ERG: variants seen among roughly 807,000 people sequenced by gnomAD.
The protein encoded by ERG is ETS transcription factor ERG.
A neutral mutation model predicts 55.3 loss-of-function variants in ERG; 9 were observed. That is an observed-to-expected ratio of 0.16 (90% confidence interval 0.10 to 0.28). The LOEUF is 0.28. ERG is among the 10% of genes least tolerant of loss of function. ERG has a pLI of 1.00. For synonymous variants in ERG, 223 were observed against 237.3 expected (o/e 0.94, Z 0.55); for missense variants, 434 against 631.6 (o/e 0.69, Z 3.35).
chr21:38,570,042 G>A (rs1225438547), intron 2 of ERG, among the ~76,000 whole-genome samples: 1 of 152,138 alleles, frequency 6.6e-6, no homozygotes, highest in African/African-American at 2.4e-5. Flanking sequence ...ACCTCCTGGT[G>A]CTCAGGTACA....
intron 1 of ERG, chr21:38,474,193 G>A (rs1386614832): frequency 6.6e-6 from 1 of 152,132 alleles, no homozygotes; most frequent in Non-Finnish European, 1.5e-5. Flanking sequence ...GACTTCCTGT[G>A]GTTCTCCCGC....
rs557188281 is a variant in ERG at position 38,429,140 on chromosome 21, G to A, written c.237-5579C>T. On this transcript the variant is annotated intron_variant, in intron 2 of 9. Transcript: ENST00000288319. ...TTATAAGTGAGAACACACAATATTT[G>A]GTTTTCCATTCCTGAGTTACTTCGG... Among the ~76,000 whole-genome samples, 403 of 152,050 alleles carry A rather than the reference G, an allele frequency of 2.7e-3. 3 individuals are homozygous for A. The highest frequency in any genetic ancestry group is 4.2e-3 in the Non-Finnish European group (288 of 67,974).
rs375538311 is a variant in ERG, at chr21:38,523,518, T to G, written c.-41+52144A>C. On this transcript the variant is annotated intron_variant, in intron 2 of 8. Transcript: ENST00000398897. Reference sequence around the variant, plus strand: ...AGTGAGTAAGAGGCGGGGGCCAGGGTTGGACAAAAATCTCTTTGGCCAGGA... The same window carrying G: ...AGTGAGTAAGAGGCGGGGGCCAGGGGTGGACAAAAATCTCTTTGGCCAGGA... Among the ~76,000 whole-genome samples, 91 of 152,278 alleles carry G rather than the reference T, an allele frequency of 6.0e-4. 1 individual carries two copies. In the South Asian group the frequency reaches 0.018, roughly 30 times the overall value.
intron 1 of ERG, chr21:38,471,140 G>A (rs2059135447): frequency 6.6e-6 from 1 of 152,200 alleles, no homozygotes; most frequent in Non-Finnish European, 1.5e-5. Context: ...ATGGAGTTTA[G>A]TGATAAAAAT....
At chr21:38,433,484 T>A (rs1990314792) in intron 2 of ERG, among the ~76,000 whole-genome samples, 1 of 152,162 alleles carries the variant, frequency 6.6e-6, no homozygotes, top group Non-Finnish European at 1.5e-5. Flanking sequence ...TACTGAGAAA[T>A]GTAAAATTTG....
chr21:38,638,532 T>C (rs1035783626), intron 1 of ERG, among the ~76,000 whole-genome samples: 4 of 152,010 alleles, frequency 2.6e-5, no homozygotes, highest in Admixed American at 2.6e-4. Flanking sequence ...GAAATTCAAA[T>C]GGACAAAGGG....
chr21:38,601,298 G>A (rs2060163050), intron 1 of ERG, among the ~76,000 whole-genome samples: 1 of 152,084 alleles, frequency 6.6e-6, no homozygotes, highest in Non-Finnish European at 1.5e-5. Flanking sequence ...TACACTGTGG[G>A]CCCAAAATAC....
intron 1 of ERG, among the ~76,000 whole-genome samples, chr21:38,480,423 A>G (rs2059226674): frequency 1.3e-5 from 2 of 152,030 alleles, no homozygotes. Flanking sequence ...AACCCAGCCA[A>G]CACCTCGATT....
chr21:38,392,712 TAAGTC>T (rs1988033458), intron 6 of ERG, among the ~76,000 whole-genome samples: 1 of 152,204 alleles, frequency 6.6e-6, no homozygotes, highest in Admixed American at 6.5e-5. Context: ...CCTACAACCA[TAAGTC>T]AAGACCCCAA....
chr21:38,553,862 G>A (rs985310783), intron 2 of ERG, among the ~76,000 whole-genome samples: 5 of 141,936 alleles, frequency 3.5e-5, no homozygotes, highest in Non-Finnish European at 8.0e-5. Flanking sequence ...CTTCTGCACA[G>A]CAAAAGAAAC....
chr21:38,417,927 T>C (rs1448088374), intron 3 of ERG, among the ~76,000 whole-genome samples: 1 of 152,234 alleles, frequency 6.6e-6, no homozygotes, highest in Non-Finnish European at 1.5e-5. Flanking sequence ...GAATGGAGCC[T>C]GTGCCTTCCT....
At chr21:38,608,402 T>C (rs1007982601) in intron 1 of ERG, among the ~76,000 whole-genome samples, 1 of 152,178 alleles carries the variant, frequency 6.6e-6, no homozygotes, top group African/African-American at 2.4e-5. Context: ...GGAGCAATAA[T>C]TCATCAAGAA....
chr21:38,567,970 C>T (rs140075921), intron 2 of ERG, among the ~76,000 whole-genome samples: 48 of 152,290 alleles, frequency 3.2e-4, no homozygotes, highest in Admixed American at 6.5e-4. Flanking sequence ...TTAAGTTTAG[C>T]GTCTTTTATG....
At chr21:38,458,768 T>C (rs1424482737) in intron 1 of ERG, among the ~76,000 whole-genome samples, 4 of 152,114 alleles carry the variant, frequency 2.6e-5, no homozygotes, top group Non-Finnish European at 5.9e-5. Context: ...TTGGCCATAC[T>C]TACTTACTTA....
At chr21:38,621,104 T>C (rs2060287562) in intron 1 of ERG, among the ~76,000 whole-genome samples, 1 of 152,224 alleles carries the variant, frequency 6.6e-6, no homozygotes, top group African/African-American at 2.4e-5. Context: ...AGCCCAGGAA[T>C]GCAACTATCT....
At chr21:38,496,823 T>C (rs898095308) in intron 1 of ERG, among the ~76,000 whole-genome samples, 3 of 152,224 alleles carry the variant, frequency 2.0e-5, no homozygotes, top group Admixed American at 6.5e-5. Flanking sequence ...GTCTGTTATT[T>C]CAATGTCCTT....
chr21:38,439,174 G>C (rs1255335994), intron 2 of ERG, among the ~76,000 whole-genome samples: 2 of 152,200 alleles, frequency 1.3e-5, no homozygotes, highest in East Asian at 3.9e-4. Context: ...CCTGTGGAAA[G>C]GGGAAGGTGC....
At chr21:38,568,865 G>C (rs2059939595) in intron 2 of ERG, among the ~76,000 whole-genome samples, 2 of 152,198 alleles carry the variant, frequency 1.3e-5, no homozygotes. Context: ...AGGGTCACCT[G>C]CCTGCTTCAC....
At chr21:38,373,179 C>T in the ERG span, among the ~76,000 whole-genome samples, 7 of 152,220 alleles carry the variant, frequency 4.6e-5, no homozygotes, top group African/African-American at 1.7e-4. Flanking sequence ...CTGTAAGTAT[C>T]CAGGACTTAA....
Sources: allele counts gnomAD v4.1 joint callset (sites outside exome capture counted in the v4.1 genomes callset), GRCh38; gene constraint gnomAD v4.1.1; transcripts MANE v1.5; gene names NCBI Gene and HGNC (gene_info 2026-07-23, HGNC 2026-07-21).